Variants in CARM1 observed in about 807,000 individuals in gnomAD.
CARM1 encodes coactivator associated arginine methyltransferase 1.
A neutral mutation model predicts 72.7 loss-of-function variants in CARM1; 14 were observed. That is an observed-to-expected ratio of 0.19 (90% CI 0.13 to 0.30). CARM1 has a LOEUF of 0.30. Among genes scored for constraint, CARM1 ranks in the 10% least tolerant of loss-of-function variants. The pLI is 1.00. For missense variants in CARM1, 432 were observed against 833.7 expected (o/e 0.52, Z 5.93); for synonymous variants, 333 against 345.5 (o/e 0.96, Z 0.40).
At chr19:10,885,902 T>C (rs1338859768) in intron 1 of CARM1, among the ~76,000 whole-genome samples, 15 of 149,454 alleles carry the variant, frequency 1.0e-4, no homozygotes, top group Non-Finnish European at 2.1e-4. Flanking sequence ...TTTTTTTTTT[T>C]TTTTTTTTTT....
At chr19:10,910,785 A>G (rs2074143700) in intron 4 of CARM1, among the ~76,000 whole-genome samples, 1 of 151,818 alleles carries the variant, frequency 6.6e-6, no homozygotes, top group Non-Finnish European at 1.5e-5. Flanking sequence ...AGGATGGTCT[A>G]GATCTCTTGA....
chr19:10,920,264 C>T lies in CARM1; in HGVS notation c.1197-172C>T, dbSNP rs949455837. Among the ~76,000 whole-genome samples the T allele has an allele frequency of 2.0e-5, 3 of 152,042 alleles. No individual in the cohort carries two copies. The highest frequency in any genetic ancestry group is 4.8e-5 in the African/African-American group (2 of 41,382). ...CGGGCCCCTCGTGTGTACATGTATGCCTGCTCATGTTTGTGTCTGGGACTG... is the reference window on the plus strand; with the variant it reads ...CGGGCCCCTCGTGTGTACATGTATGTCTGCTCATGTTTGTGTCTGGGACTG... On this transcript the variant is annotated intron_variant, in intron 10 of 15. Transcript: ENST00000327064. The surrounding 1 kb of genome is among the most constrained non-coding windows in gnomAD (Gnocchi z 5.3).
chr19:10,912,249 G>A lies in CARM1; in HGVS notation c.624G>A (p.Arg208=), dbSNP rs941406223. ...LSFFAAQAGA[R]KIYAVEASTM... Reference sequence around the variant, plus strand: ...TTTTTGCCGCCCAAGCTGGAGCACGGAAAATCTACGCGGTGGAGGCCAGCA... The same window carrying A: ...TTTTTGCCGCCCAAGCTGGAGCACGAAAAATCTACGCGGTGGAGGCCAGCA... Residue 208 remains arginine (R), a synonymous_variant, in exon 5 of 16, where the codon CGG becomes CGA. Transcript: ENST00000327064. This position sits in a 1 kb window ranked among gnomAD's most constrained non-coding sequence, Gnocchi z 4.5. 3 of 1,614,130 alleles carry A rather than the reference G, an allele frequency of 1.9e-6. No homozygotes were observed. The highest frequency in any genetic ancestry group is 2.7e-5 in the African/African-American group (2 of 75,042).
At chr19:10,905,780 C>A (rs1284840700) in intron 2 of CARM1, among the ~76,000 whole-genome samples, 2 of 151,976 alleles carry the variant, frequency 1.3e-5, no homozygotes, top group Non-Finnish European at 2.9e-5. Context: ...CCTGAGCCCT[C>A]GGGGCCAGCT....
At chr19:10,907,764 C>T (rs150247286) in intron 2 of CARM1, among the ~76,000 whole-genome samples, 2 of 152,352 alleles carry the variant, frequency 1.3e-5, no homozygotes, top group African/African-American at 4.8e-5. Flanking sequence ...CCAAGCTGCC[C>T]TTTGGTGAGG....
intron 1 of CARM1, among the ~76,000 whole-genome samples, chr19:10,884,016 T>TTG (rs959599972): frequency 6.8e-6 from 1 of 146,548 alleles, no homozygotes; most frequent in African/African-American, 2.5e-5. Context: ...AGACTCTGTT[T>TTG]TTTTTTTTTT....
chr19:10,871,616 G>GGCGGCGGCGGCGGCGGCGGCA lies in CARM1; in HGVS notation c.-67_-66insAGCGGCGGCGGCGGCGGCGGC, dbSNP rs2073815734. ...CGGCGGCGGCGGCGGCGGCGGCGGC[G>GGCGGCGGCGGCGGCGGCGGCA]GCGGCGGCGGCGGCGGCGGCGGCAG... On this transcript the variant is annotated 5_prime_UTR_variant, in exon 1 of 16. Coordinates refer to ENST00000327064, the MANE Select transcript of CARM1 (RefSeq NM_199141.2). The surrounding 1 kb of genome is among the most constrained non-coding windows in gnomAD (Gnocchi z 5.6). 2 of 136,406 alleles carry GGCGGCGGCGGCGGCGGCGGCA rather than the reference G, an allele frequency of 1.5e-5. No homozygotes were observed. Among genetic ancestry groups the GGCGGCGGCGGCGGCGGCGGCA allele is most frequent in the East Asian group, 6.2e-4 (2 of 3,238 alleles). 8.4% of individuals were successfully genotyped at this position (136,406 alleles called of 1,614,324 possible).
intron 1 of CARM1, among the ~76,000 whole-genome samples, chr19:10,889,686 C>A (rs1016602834): frequency 6.6e-6 from 1 of 152,062 alleles, no homozygotes; most frequent in African/African-American, 2.4e-5. Flanking sequence ...GAAGTAGATT[C>A]AACACTTTGA....
chr19:10,901,723 C>T (rs145079918), intron 1 of CARM1, among the ~76,000 whole-genome samples: 1 of 152,192 alleles, frequency 6.6e-6, no homozygotes, highest in Non-Finnish European at 1.5e-5. Flanking sequence ...GGACAGATCA[C>T]ACGAGGCTAG....
Position 10,912,722 on chromosome 19 carries a change from G to T in CARM1, c.669+428G>T, listed in dbSNP as rs1045900538. 1.3e-5 allele frequency among the ~76,000 whole-genome samples: 2 copies of T among 152,012 alleles called. No homozygotes were observed. The highest frequency in any genetic ancestry group is 4.8e-5 in the African/African-American group (2 of 41,372). ...GTGGAGGCTGCACCCTCCATTCCCTGCTCTGCCTCTCCCATGGATCTGGGG... is the reference window on the plus strand; with the variant it reads ...GTGGAGGCTGCACCCTCCATTCCCTTCTCTGCCTCTCCCATGGATCTGGGG... On this transcript the variant is annotated intron_variant, in intron 5 of 15. Coordinates refer to ENST00000327064, the MANE Select transcript of CARM1 (RefSeq NM_199141.2). This position sits in a 1 kb window ranked among gnomAD's most constrained non-coding sequence, Gnocchi z 4.5.
At chr19:10,880,465 G>A (rs2073893515) in intron 1 of CARM1, among the ~76,000 whole-genome samples, 1 of 151,800 alleles carries the variant, frequency 6.6e-6, no homozygotes, top group Admixed American at 6.6e-5. Flanking sequence ...CCCTCCCTCA[G>A]CCTCTCTACA....
At chr19:10,900,072 C>A (rs2145214380) in intron 1 of CARM1, among the ~76,000 whole-genome samples, 1 of 152,150 alleles carries the variant, frequency 6.6e-6, no homozygotes, top group East Asian at 1.9e-4. Flanking sequence ...ACTTTGGAGG[C>A]CAAGGTGAGA....
chr19:10,880,004 A>G, intron 1 of CARM1, among the ~76,000 whole-genome samples: 1 of 152,066 alleles, frequency 6.6e-6, no homozygotes. Context: ...TCTGGATGAG[A>G]TGGGTGGGCA....
intron 1 of CARM1, among the ~76,000 whole-genome samples, chr19:10,881,055 A>G (rs761854943): frequency 4.7e-4 from 72 of 152,296 alleles, no homozygotes; most frequent in Non-Finnish European, 1.3e-4. Context: ...AGTCCCAGCT[A>G]TTCCAGAGGC....
At position 10,908,133 on chromosome 19, in the gene CARM1, G is replaced by C. The variant is rs566248381; in HGVS notation, c.441G>C (p.Val147=). The C allele has an allele frequency of 9.2e-5, 149 of 1,612,558 alleles. 1 individual carries two copies. Among genetic ancestry groups the C allele is most frequent in the Non-Finnish European group, 1.2e-4 (147 of 1,178,756 alleles). The part of the protein sequence containing the change: ...FSERTEESSA[V]QYFQFYGYLS... ...AGCGGACGGAGGAGTCTTCTGCCGT[G>C]CAGTACTTCCAGGTGGGTTGTACTC... The change falls in exon 3 of 16, where the codon GTG becomes GTC. Residue 147 remains valine, a synonymous_variant. Coordinates refer to ENST00000327064, the MANE Select transcript of CARM1 (RefSeq NM_199141.2).
chr19:10,873,335 A>C (rs1056453784), intron 1 of CARM1, among the ~76,000 whole-genome samples: 3 of 152,018 alleles, frequency 2.0e-5, no homozygotes, highest in African/African-American at 4.8e-5. Flanking sequence ...CAGGCGGGGT[A>C]GCTCAGCACT....
chr19:10,907,370 C>A (rs1172956887), intron 2 of CARM1, among the ~76,000 whole-genome samples: 1 of 152,150 alleles, frequency 6.6e-6, no homozygotes, highest in African/African-American at 2.4e-5. Flanking sequence ...GGCCACATAC[C>A]ATTGCATCTC....
intron 4 of CARM1, among the ~76,000 whole-genome samples, chr19:10,910,634 C>T (rs2074141968): frequency 2.0e-5 from 3 of 149,874 alleles, no homozygotes; most frequent in Admixed American, 6.7e-5. Context: ...GACACAATCT[C>T]GGCTCACTGC....
Position 10,919,610 on chromosome 19 carries a change from C to T in CARM1, c.1036C>T (p.Arg346Trp). 3 of 1,613,756 alleles carry T rather than the reference C, an allele frequency of 1.9e-6. No individual in the cohort carries two copies. Among genetic ancestry groups the T allele is most frequent in the South Asian group, 1.1e-5 (1 of 91,070 alleles). Reference protein sequence around the residue: ...RQPVVDTFDIRILMAKSVKYT... With the variant: ...RQPVVDTFDIWILMAKSVKYT... The stretch of plus-strand genomic sequence containing the variant: ...TCTCTCCCAGGACACATTTGACATC[C>T]GGATCCTGATGGCCAAGTCTGTCAA... Residue 346 changes from arginine to tryptophan, a missense_variant, in exon 9 of 16, where the codon CGG becomes TGG. By Grantham distance (101) the Arg-to-Trp change is moderately radical. Around this residue, in one of 3 missense-constraint regions of CARM1, gnomAD observed 152 missense variants for 452.8 expected, o/e 0.34. Coordinates refer to ENST00000327064, the MANE Select transcript of CARM1 (RefSeq NM_199141.2).
Sources: allele counts gnomAD v4.1 joint callset (sites outside exome capture counted in the v4.1 genomes callset), GRCh38; gene constraint gnomAD v4.1.1; regional missense constraint gnomAD v4.1.1; non-coding constraint Gnocchi (gnomAD v3.1); transcripts MANE v1.5; gene names NCBI Gene and HGNC (gene_info 2026-07-23, HGNC 2026-07-21).